The following DNAJC17 variants were observed in gnomAD, a reference collection of about 807,000 sequenced individuals.
DNAJC17 encodes DnaJ heat shock protein family (Hsp40) member C17, also known as dnaJ homolog subfamily C member 17.
Under a neutral mutation model 48.1 loss-of-function variants are expected in DNAJC17, and 35 were observed. That is an observed-to-expected ratio of 0.73 (90% CI 0.56 to 0.96). The LOEUF (loss-of-function observed/expected upper bound fraction) is 0.96, where lower values mean the gene tolerates loss of function less well. DNAJC17 is among the 50% of genes least tolerant of loss of function. The pLI, the probability that DNAJC17 is intolerant of heterozygous loss-of-function variation, is 0.00. For synonymous variants in DNAJC17, 117 were observed against 142.7 expected (o/e 0.82, Z 1.28); for missense variants, 355 against 377.1 (o/e 0.94, Z 0.48).
At chr15:40,781,153 G>GAAAAAAAAAAAAAAAAAAAAAAAA (rs11337976) in intron 1 of DNAJC17, among the ~76,000 whole-genome samples, 1 of 88,998 alleles carries the variant, frequency 1.1e-5, no homozygotes, top group Non-Finnish European at 2.3e-5. Context: ...CTCCATCTCA[G>GAAAAAAAAAAAAAAAAAAAAAAAA]AAAAAAAAAA....
In DNAJC17 at chr15:40,768,818, C is replaced by T. The variant is rs115978280; in HGVS notation, c.793-756G>A. Among the ~76,000 whole-genome samples the T allele has an allele frequency of 2.6e-3, 396 of 152,364 alleles. 2 individuals carry two copies. The highest frequency in any genetic ancestry group is 9.3e-3 in the African/African-American group (385 of 41,592). Reference sequence around the variant, plus strand: ...TTTTCCTCCCTCGGTGCCGCTTAGGCTGTGTGATGATCATGTGGTCCCAAC... The same window carrying T: ...TTTTCCTCCCTCGGTGCCGCTTAGGTTGTGTGATGATCATGTGGTCCCAAC... On this transcript the variant is annotated intron_variant, in intron 10 of 10. Coordinates refer to ENST00000220496, the MANE Select transcript of DNAJC17 (RefSeq NM_018163.3).
chr15:40,786,020 T>C (rs182069314), intron 1 of DNAJC17, among the ~76,000 whole-genome samples: 68 of 152,324 alleles, frequency 4.5e-4, no homozygotes, highest in African/African-American at 1.4e-3. Context: ...ATTTGGTGCT[T>C]TGTACTACAA....
chr15:40,781,183 T>G (rs1889477388), intron 1 of DNAJC17, among the ~76,000 whole-genome samples: 1 of 149,052 alleles, frequency 6.7e-6, no homozygotes, highest in African/African-American at 2.5e-5. Flanking sequence ...AAGATTATGA[T>G]TGGCCAGACA....
chr15:40,767,832 C>T lies in DNAJC17; in HGVS notation c.*108G>A, dbSNP rs1888988152. 1.3e-6 allele frequency: 2 copies of T among 1,488,116 alleles called. No individual in the cohort carries two copies. The highest frequency in any genetic ancestry group is 2.1e-5 in the Admixed American group (1 of 46,748). The allele number at this position is 1,488,116 out of a possible 1,614,324, so 92.2% of individuals were successfully genotyped here. A position where few individuals can be genotyped will look rare whatever the true frequency, so the allele number is the denominator to read the frequency against. On this transcript the variant is annotated 3_prime_UTR_variant, in exon 11 of 11. Transcript: ENST00000220496. ...TGGGTGGAGCGCTCTGCGGCAGAGC[C>T]CAGCACCTTATACCTATGTATGGGA...
Position 40,770,844 on chromosome 15 carries a change from T to G in DNAJC17, c.793-2782A>C. 3 of 1,551,436 alleles carry G rather than the reference T, an allele frequency of 1.9e-6. No homozygotes were observed. The highest frequency in any genetic ancestry group is 1.7e-4 in the Middle Eastern group (1 of 5,992). On this transcript the variant is annotated intron_variant, in intron 10 of 10. Coordinates refer to ENST00000220496, the MANE Select transcript of DNAJC17 (RefSeq NM_018163.3). The surrounding 1 kb of genome is among the most constrained non-coding windows in gnomAD (Gnocchi z 5.0). The stretch of plus-strand genomic sequence containing the variant: ...CACCCTGCCATCGGCGCTCTCTCTG[T>G]CGAGTGCCCTCCACCAGCACTCAGA...
chr15:40,807,325 C>T, intron 1 of DNAJC17, 44 bp downstream of exon 1: 8 of 1,614,224 alleles, frequency 5.0e-6, no homozygotes, highest in Non-Finnish European at 6.8e-6. Context: ...ACAGGAAGGA[C>T]CGCCAGACCT....
intron 4 of DNAJC17, among the ~76,000 whole-genome samples, chr15:40,778,727 G>A (rs997932458): frequency 6.6e-6 from 1 of 152,042 alleles, no homozygotes; most frequent in Admixed American, 6.5e-5. Context: ...TTGAGGCCAG[G>A]AGTTTAAGAC....
intron 1 of DNAJC17, among the ~76,000 whole-genome samples, chr15:40,803,899 T>C (rs7178506): frequency 0.45 from 68,030 of 151,246 alleles, 16,293 homozygotes; most frequent in African/African-American, 0.61. Flanking sequence ...ACCAGCCCCA[T>C]CTGACCCCCT....
At position 40,769,524 on chromosome 15, in the gene DNAJC17, C is replaced by T. The variant is rs1003538856; in HGVS notation, c.793-1462G>A. On this transcript the variant is annotated intron_variant, in intron 10 of 10. Transcript: ENST00000220496. This position sits in a 1 kb window ranked among gnomAD's most constrained non-coding sequence, Gnocchi z 4.2. ...CAGCCCAACCCTGGGCAGCAGAGCC[C>T]GCCCATCACAGGCATGGCGCTGCTC... Among the ~76,000 whole-genome samples, 24 of 152,360 alleles carry T rather than the reference C, an allele frequency of 1.6e-4. No homozygotes were observed. Among genetic ancestry groups the T allele is most frequent in the Admixed American group, 7.8e-4 (12 of 15,312 alleles).
chr15:40,774,338 G>A lies in DNAJC17; in HGVS notation c.681+18C>T, dbSNP rs370650505. On this transcript the variant is annotated intron_variant, in intron 9 of 10. Coordinates refer to ENST00000220496, the MANE Select transcript of DNAJC17 (RefSeq NM_018163.3). ...TGACAGGGCCACGAGGGGCCCCCAA[G>A]CCTCATGCAGCACTCACCGCTGCCT... The A allele has an allele frequency of 2.5e-6, 4 of 1,613,524 alleles. No homozygotes were observed. The African/African-American group carries it at 4.0e-5, about 16-fold the overall frequency.
chr15:40,773,673 G>A, intron 10 of DNAJC17, 54 bp downstream of exon 10: 4 of 1,429,024 alleles, frequency 2.8e-6, no homozygotes, highest in African/African-American at 1.4e-5. Context: ...AGGAGCCCAG[G>A]TAGGAAGAGC....
intron 1 of DNAJC17, among the ~76,000 whole-genome samples, chr15:40,793,219 T>C (rs1011890671): frequency 6.6e-6 from 1 of 152,180 alleles, no homozygotes; most frequent in Non-Finnish European, 1.5e-5. Context: ...ACTGCTGCAA[T>C]ATATTCTTTT....
Position 40,766,042 on chromosome 15 carries a change from T to C in DNAJC17, c.*1898A>G. 2 of 484,422 alleles carry C rather than the reference T, an allele frequency of 4.1e-6. No individual in the cohort carries two copies. The highest frequency in any genetic ancestry group is 6.8e-5 in the South Asian group (2 of 29,458). The allele number at this position is 484,422 out of a possible 1,614,324, so 30.0% of individuals were successfully genotyped here. A position where few individuals can be genotyped will look rare whatever the true frequency, so the allele number is the denominator to read the frequency against. ...GCATCAGAGCCCCCTGCCTGCATCC[T>C]GGGGCTCTGTTCTCCGGAGGAGTTG... On this transcript the variant is annotated 3_prime_UTR_variant, in exon 11 of 11. Coordinates refer to ENST00000220496, the MANE Select transcript of DNAJC17 (RefSeq NM_018163.3).
At chr15:40,797,665 G>A (rs1889971427) in intron 1 of DNAJC17, among the ~76,000 whole-genome samples, 1 of 150,198 alleles carries the variant, frequency 6.7e-6, no homozygotes, top group South Asian at 2.1e-4. Flanking sequence ...ACCTGCCTCA[G>A]CCTCCCAAAG....
chr15:40,798,130 AT>A (rs1383310997), intron 1 of DNAJC17, among the ~76,000 whole-genome samples: 1 of 152,262 alleles, frequency 6.6e-6, no homozygotes, highest in Non-Finnish European at 1.5e-5. Context: ...AATGTGGTAT[AT>A]ACATAAAATG....
chr15:40,795,622 C>T (rs576398104), intron 1 of DNAJC17, among the ~76,000 whole-genome samples: 2 of 152,206 alleles, frequency 1.3e-5, no homozygotes, highest in African/African-American at 4.8e-5. Context: ...GTGGGCTGGG[C>T]GTGGTGGCTC....
rs1178193462 is a variant in DNAJC17 at position 40,806,351 on chromosome 15, T to G, written c.78+1018A>C. Among the ~76,000 whole-genome samples the G allele has an allele frequency of 3.3e-5, 5 of 151,620 alleles. No individual in the cohort carries two copies. The East Asian group carries it at 9.7e-4, about 30-fold the overall frequency. ...CTCCTGCCTCAGCCTCCCAAGTAGC[T>G]GGGACTACAGGTGTGTGCCACCACG... On this transcript the variant is annotated intron_variant, in intron 1 of 10. Transcript: ENST00000220496.
At chr15:40,768,347 C>T (rs1002523608) in intron 10 of DNAJC17, among the ~76,000 whole-genome samples, 4 of 152,196 alleles carry the variant, frequency 2.6e-5, no homozygotes, top group South Asian at 2.1e-4. Context: ...CACCTGCGGG[C>T]CCTCTAAGCC....
chr15:40,773,907 C>T (rs1566820819), intron 9 of DNAJC17, 70 bp from the exon 10 acceptor site: 1 of 1,356,998 alleles, frequency 7.4e-7, no homozygotes, highest in South Asian at 1.3e-5. Flanking sequence ...TCTACCCCCA[C>T]AGAGAGAACG....
Sources: allele counts gnomAD v4.1 joint callset (sites outside exome capture counted in the v4.1 genomes callset), GRCh38; gene constraint gnomAD v4.1.1; non-coding constraint Gnocchi (gnomAD v3.1); transcripts MANE v1.5; gene names NCBI Gene and HGNC (gene_info 2026-07-23, HGNC 2026-07-21).